The following KCNJ5 variants were observed in gnomAD, a reference collection of about 807,000 sequenced individuals.
KCNJ5 encodes the protein G protein-activated inward rectifier potassium channel 4.
A neutral mutation model predicts 20.2 loss-of-function variants in KCNJ5; 12 were observed. The ratio of observed to expected loss-of-function variants is 0.59; its 90% CI spans 0.38 to 0.96. KCNJ5 has a LOEUF of 0.96. KCNJ5 is among the 40% of genes least tolerant of loss of function. KCNJ5 has a pLI of 0.00. For missense variants in KCNJ5, 449 were observed against 557.6 expected (o/e 0.81, Z 1.96); for synonymous variants, 210 against 213.9 (o/e 0.98, Z 0.16).
In KCNJ5 at chr11:128,911,118, G is replaced by A. The variant is rs1045187689; in HGVS notation, c.-10-146G>A. 9 of 684,964 alleles carry A rather than the reference G, an allele frequency of 1.3e-5. No individual in the cohort carries two copies. The highest frequency in any genetic ancestry group is 2.1e-5 in the Non-Finnish European group (8 of 383,102). 42.4% of individuals were successfully genotyped at this position (684,964 alleles called of 1,614,324 possible). On this transcript the variant is annotated intron_variant, in intron 1 of 2. Transcript: ENST00000529694. This position sits in a 1 kb window ranked among gnomAD's most constrained non-coding sequence, Gnocchi z 6.3. ...CAAAAGAACCCTATAAGAGAGTGAG[G>A]CCCCTGCCCTTGAGGATTTCACGCC...
chr11:128,909,156 C>A (rs2135996873), intron 1 of KCNJ5, among the ~76,000 whole-genome samples: 1 of 152,314 alleles, frequency 6.6e-6, no homozygotes, highest in Middle Eastern at 3.4e-3. Context: ...CCAGGCAGCA[C>A]AGGAAAAGGC....
chr11:128,911,560 T>A lies in KCNJ5; in HGVS notation c.287T>A (p.Val96Asp). The A allele has an allele frequency of 6.2e-7, 1 of 1,614,212 alleles. No individual in the cohort carries two copies. Among genetic ancestry groups the A allele is most frequent in the East Asian group, 2.2e-5 (1 of 44,878 alleles). Residue 96 changes from valine to aspartate, a missense_variant, in exon 2 of 3, where the codon GTT (valine) becomes GAT (aspartate). By Grantham distance (152) the Val-to-Asp change is radical (BLOSUM62 -3). Coordinates refer to ENST00000529694, the MANE Select transcript of KCNJ5 (RefSeq NM_000890.5). This position sits in a 1 kb window ranked among gnomAD's most constrained non-coding sequence, Gnocchi z 6.3. ...TTCAACTTGCTCGTCTTCACCATGG[T>A]TTACACTGTCACCTGGCTGTTCTTC... ...WRFNLLVFTM[V>D]YTVTWLFFGF...
At chr11:128,903,441 C>T (rs1017694692) in intron 1 of KCNJ5, 1 of 1,614,166 alleles carries the variant, frequency 6.2e-7, no homozygotes. Flanking sequence ...CTATGGCATG[C>T]ACATCCTGCC....
At chr11:128,894,423 C>T (rs1030417389) in intron 1 of KCNJ5, among the ~76,000 whole-genome samples, 1 of 152,038 alleles carries the variant, frequency 6.6e-6, no homozygotes, top group Admixed American at 6.6e-5. Context: ...TTCAAAGGGG[C>T]CATTTTTGGA....
At chr11:128,894,169 T>C (rs547269323) in intron 1 of KCNJ5, among the ~76,000 whole-genome samples, 1 of 139,500 alleles carries the variant, frequency 7.2e-6, no homozygotes, top group South Asian at 2.4e-4. Context: ...GAAAACTGCA[T>C]CCACTTCTGC....
chr11:128,915,079 C>G (rs559491260), intron 2 of KCNJ5, among the ~76,000 whole-genome samples: 55 of 152,340 alleles, frequency 3.6e-4, no homozygotes, highest in African/African-American at 1.3e-3. Flanking sequence ...TTGTATGAGC[C>G]CCTCCCAGAG....
At chr11:128,908,187 G>A (rs545195111) in intron 1 of KCNJ5, among the ~76,000 whole-genome samples, 3 of 152,206 alleles carry the variant, frequency 2.0e-5, no homozygotes, top group Non-Finnish European at 4.4e-5. Context: ...TTAAAATGGG[G>A]TTAATGGGAT....
Position 128,918,569 on chromosome 11 carries a change from A to C in KCNJ5, c.*1838A>C, listed in dbSNP as rs1364197362. On this transcript the variant is annotated 3_prime_UTR_variant, in exon 3 of 3. Coordinates refer to ENST00000529694, the MANE Select transcript of KCNJ5 (RefSeq NM_000890.5). ...TCACAGCTCTCAACTGGCCTTTGAGAATGGAAGCCTTTTCCTGCCCTGGAT... is the reference window on the plus strand; with the variant it reads ...TCACAGCTCTCAACTGGCCTTTGAGCATGGAAGCCTTTTCCTGCCCTGGAT... The C allele has an allele frequency of 2.6e-5, 4 of 152,386 alleles. No homozygotes were observed. Among genetic ancestry groups the C allele is most frequent in the Non-Finnish European group, 5.9e-5 (4 of 68,096 alleles). The allele number at this position is 152,386 out of a possible 1,614,324, so 9.4% of individuals were successfully genotyped here.
chr11:128,912,660 G>A (rs530102961), intron 2 of KCNJ5, among the ~76,000 whole-genome samples: 5 of 152,188 alleles, frequency 3.3e-5, no homozygotes, highest in South Asian at 2.1e-4. Flanking sequence ...ACAGGTGCCC[G>A]CCACTGCGCC....
At chr11:128,915,286 GGGCTGAGTAGACA>G (rs1239774746) in intron 2 of KCNJ5, among the ~76,000 whole-genome samples, 1 of 152,214 alleles carries the variant, frequency 6.6e-6, no homozygotes, top group Non-Finnish European at 1.5e-5. Context: ...GGCATGGCAC[GGGCTGAGTAGACA>G]GGGAAACGAG....
At position 128,913,734 on chromosome 11, in the gene KCNJ5, G is replaced by A. The variant is rs114873877; in HGVS notation, c.937+1524G>A. Among the ~76,000 whole-genome samples, 769 of 152,194 alleles carry A rather than the reference G, an allele frequency of 5.1e-3. 3 individuals are homozygous for A. The highest frequency in any genetic ancestry group is 0.027 in the Middle Eastern group (8 of 294). On this transcript the variant is annotated intron_variant, in intron 2 of 2. Coordinates refer to ENST00000529694, the MANE Select transcript of KCNJ5 (RefSeq NM_000890.5). ...GCTTCAGTCTCATTTTACAGATGTC[G>A]AGGCTGAACCTAAAAAGCATTATGT...
At position 128,911,939 on chromosome 11, in the gene KCNJ5, C is replaced by A. The variant is rs200933370; in HGVS notation, c.666C>A (p.Gly222=). 5 of 1,598,726 alleles carry A rather than the reference C, an allele frequency of 3.1e-6. No homozygotes were observed. The East Asian group carries it at 9.0e-5, about 29-fold the overall frequency. The change falls in exon 2 of 3, where the codon GGC becomes GGA. Residue 222 remains glycine, a synonymous_variant. Transcript: ENST00000529694. This position sits in a 1 kb window ranked among gnomAD's most constrained non-coding sequence, Gnocchi z 6.3. Reference sequence around the variant, plus strand: ...AGCTGTGCCTCATGTTCCGGGTGGGCGACCTCCGCAACTCCCACATCGTGG... The same window carrying A: ...AGCTGTGCCTCATGTTCCGGGTGGGAGACCTCCGCAACTCCCACATCGTGG... The part of the protein sequence containing the change: ...DEKLCLMFRV[G]DLRNSHIVEA...
chr11:128,917,929 C>G lies in KCNJ5; in HGVS notation c.*1198C>G. ...AATTAGCCAGGCATGGTGGCAGGTG[C>G]CTGTAGTCCCAGCTACTCGGGAAGC... is the stretch of plus-strand genomic sequence containing the variant. On this transcript the variant is annotated 3_prime_UTR_variant, in exon 3 of 3. Transcript: ENST00000529694. 2.6e-5 allele frequency: 4 copies of G among 152,794 alleles called. No homozygotes were observed. Among genetic ancestry groups the G allele is most frequent in the Non-Finnish European group, 5.8e-5 (4 of 68,486 alleles). 9.5% of individuals were successfully genotyped at this position (152,794 alleles called of 1,614,324 possible).
chr11:128,902,820 A>C (rs1167224216), intron 1 of KCNJ5: 3 of 1,276,152 alleles, frequency 2.4e-6, no homozygotes, highest in Non-Finnish European at 3.2e-6. Context: ...GTCCATGGGC[A>C]GAAAAGGCCT....
intron 1 of KCNJ5, chr11:128,903,467 A>G (rs536583683): frequency 1.2e-4 from 188 of 1,614,170 alleles, no homozygotes; most frequent in South Asian, 1.1e-3. Flanking sequence ...GAGAAATTCC[A>G]GAGTGAGGAG....
chr11:128,902,828 C>T, intron 1 of KCNJ5: 1 of 1,198,272 alleles, frequency 8.3e-7, no homozygotes, highest in Non-Finnish European at 1.2e-6. Context: ...GCAGAAAAGG[C>T]CTCTCTCCGA....
At chr11:128,897,140 T>C (rs11221502) in intron 1 of KCNJ5, among the ~76,000 whole-genome samples, 121,307 of 141,960 alleles carry the variant, frequency 0.85, 52,205 homozygotes, top group African/African-American at 0.96. Context: ...CTCTGTCACT[T>C]AGGCTGGAGT....
intron 1 of KCNJ5, chr11:128,903,594 G>T: frequency 6.7e-7 from 1 of 1,488,262 alleles, no homozygotes; most frequent in Non-Finnish European, 9.3e-7. Context: ...CTACTGCGGG[G>T]GCCGTTGTCC....
intron 1 of KCNJ5, among the ~76,000 whole-genome samples, chr11:128,898,604 ACTTT>A (rs1377116719): frequency 6.6e-6 from 1 of 151,810 alleles, no homozygotes; most frequent in Non-Finnish European, 1.5e-5. Flanking sequence ...CTTACACTTC[ACTTT>A]GTCTTTCCTT....
Sources: gnomAD v4.1 joint callset for allele counts (sites outside exome capture counted in the v4.1 genomes callset) on GRCh38, gnomAD v4.1.1 for gene constraint, Gnocchi (gnomAD v3.1) non-coding constraint, MANE v1.5 for transcripts, NCBI Gene and HGNC (gene_info 2026-07-23, HGNC 2026-07-21) for gene names.